The following ZNF479 variants were observed in gnomAD, a reference collection of about 807,000 sequenced individuals.
The protein encoded by ZNF479 is KRAB zinc finger protein KR19.
In ZNF479, 15 loss-of-function variants were observed where a neutral mutation model predicts 14.7. The observed-to-expected ratio is 1.02, with a 90% CI of 0.68 to 1.57. The LOEUF is 1.57. Among genes scored for constraint, ZNF479 ranks in the 40% most tolerant of loss-of-function variants. ZNF479 has a pLI of 0.00. For missense variants in ZNF479, 506 were observed against 615.1 expected (o/e 0.82, Z 1.88); for synonymous variants, 145 against 211.5 (o/e 0.69, Z 2.73).
chr7:57,119,703 T>C lies in ZNF479; in HGVS notation c.*137A>G. 1.2e-6 allele frequency: 1 copy of C among 854,550 alleles called. No individual in the cohort carries two copies. Among genetic ancestry groups the C allele is most frequent in the Non-Finnish European group, 1.8e-6 (1 of 558,688 alleles). The allele number at this position is 854,550 out of a possible 1,614,324, so 52.9% of individuals were successfully genotyped here. A position where few individuals can be genotyped will look rare whatever the true frequency, so the allele number is the denominator to read the frequency against. On this transcript the variant is annotated 3_prime_UTR_variant, in exon 4 of 4. Transcript: ENST00000319636. ...TTTTTTTACATTTATAAAATTTCTGTCCAATATGAATTCTCTTACATTCAA... is the reference window on the plus strand; with the variant it reads ...TTTTTTTACATTTATAAAATTTCTGCCCAATATGAATTCTCTTACATTCAA...
chr7:57,137,707 C>T (rs893840133), intron 1 of ZNF479, among the ~76,000 whole-genome samples: 2 of 152,148 alleles, frequency 1.3e-5, no homozygotes, highest in African/African-American at 4.8e-5. Context: ...CTGGGCCCGG[C>T]CTGCAGTTTA....
intron 3 of ZNF479, among the ~76,000 whole-genome samples, chr7:57,121,785 A>C (rs1785965164): frequency 6.6e-6 from 1 of 152,174 alleles, no homozygotes; most frequent in Non-Finnish European, 1.5e-5. Flanking sequence ...ATGTATATAA[A>C]ACATGAGGAT....
At chr7:57,131,751 T>A (rs1786434680) in intron 1 of ZNF479, among the ~76,000 whole-genome samples, 1 of 152,138 alleles carries the variant, frequency 6.6e-6, no homozygotes, top group Admixed American at 6.5e-5. Flanking sequence ...TGAATCTGGT[T>A]TGCTTCATCA....
In ZNF479 at chr7:57,118,854, AC is replaced by A. The variant is rs1554399461; in HGVS notation, c.*985del. On this transcript the variant is annotated 3_prime_UTR_variant, in exon 4 of 4. Transcript: ENST00000319636. ...TTTGTAGGAGTCTTCTTCAGTATAAACTATCTTACCTACCATAACGTGTGAC... is the reference window on the plus strand; with the variant it reads ...TTTGTAGGAGTCTTCTTCAGTATAAATATCTTACCTACCATAACGTGTGAC... Among the ~76,000 whole-genome samples, 2 of 137,470 alleles carry A rather than the reference AC, an allele frequency of 1.5e-5. No homozygotes were observed. Among genetic ancestry groups the A allele is most frequent in the African/African-American group, 4.9e-5 (2 of 40,702 alleles). The allele number at this position is 137,470 out of a possible 152,430, so 90.2% of individuals were successfully genotyped here. A position where few individuals can be genotyped will look rare whatever the true frequency, so the allele number is the denominator to read the frequency against.
At position 57,126,082 on chromosome 7, in the gene ZNF479, G is replaced by A. The variant is rs1488357097; in HGVS notation, c.198C>T (p.Thr66=). 2 of 1,603,122 alleles carry A rather than the reference G, an allele frequency of 1.2e-6. No individual in the cohort carries two copies. The highest frequency in any genetic ancestry group is 1.7e-6 in the Non-Finnish European group (2 of 1,179,758). Reference sequence around the variant, plus strand: ...GGGACTCTTTATTTTGCTCCAGACAGGTGATCAAGTCTGGCTTAGAGACAG... The same window carrying A: ...GGGACTCTTTATTTTGCTCCAGACAAGTGATCAAGTCTGGCTTAGAGACAG... The part of the protein sequence containing the change: ...GIAVSKPDLI[T]CLEQNKESQN... Residue 66 remains threonine (T), a synonymous_variant, in exon 3 of 4, where the codon ACC becomes ACT. Coordinates refer to ENST00000319636, the MANE Select transcript of ZNF479 (RefSeq NM_001370129.2).
chr7:57,133,383 T>A (rs1786517457), upstream of ZNF479, among the ~76,000 whole-genome samples: 1 of 145,192 alleles, frequency 6.9e-6, no homozygotes, highest in African/African-American at 2.6e-5. Flanking sequence ...TCTGCAGCCA[T>A]GTAGGACTAT....
chr7:57,137,216 A>T (rs923055219), upstream of ZNF479, among the ~76,000 whole-genome samples: 1 of 152,168 alleles, frequency 6.6e-6, no homozygotes, highest in African/African-American at 2.4e-5. Flanking sequence ...TGCTCACTAC[A>T]ACTCTGCCTC....
Position 57,119,677 on chromosome 7 carries a change from A to G in ZNF479, c.*163T>C, listed in dbSNP as rs1186342528. On this transcript the variant is annotated 3_prime_UTR_variant, in exon 4 of 4. Coordinates refer to ENST00000319636, the MANE Select transcript of ZNF479 (RefSeq NM_001370129.2). The stretch of plus-strand genomic sequence containing the variant: ...GAGGGTTGGTTAAAGGCTTTGTTAC[A>G]TTTTTTTACATTTATAAAATTTCTG... 6 of 723,262 alleles carry G rather than the reference A, an allele frequency of 8.3e-6. No homozygotes were observed. The highest frequency in any genetic ancestry group is 1.4e-5 in the Non-Finnish European group (6 of 440,496). 44.8% of individuals were successfully genotyped at this position (723,262 alleles called of 1,614,324 possible). A position where few individuals can be genotyped will look rare whatever the true frequency, so the allele number is the denominator to read the frequency against.
chr7:57,129,531 T>C (rs1395894989), intron 1 of ZNF479, among the ~76,000 whole-genome samples: 2 of 152,064 alleles, frequency 1.3e-5, no homozygotes, highest in African/African-American at 4.8e-5. Context: ...ATATTTTTGT[T>C]GGCTTTTTTA....
At chr7:57,124,445 C>T (rs1291137882) in intron 3 of ZNF479, among the ~76,000 whole-genome samples, 1 of 152,126 alleles carries the variant, frequency 6.6e-6, no homozygotes. Context: ...GGTTTAATTG[C>T]ATCACATACA....
rs548897399 is a variant in ZNF479, at chr7:57,130,507, T to A, written c.39+1779A>T. 2.6e-5 allele frequency among the ~76,000 whole-genome samples: 4 copies of A among 151,752 alleles called. No individual in the cohort carries two copies. The East Asian group carries it at 7.7e-4, about 29-fold the overall frequency. ...AAAATTCAAAGGAACCAGAAGTTAA[T>A]TCTATGTAAACATAATAAGATAGAT... On this transcript the variant is annotated intron_variant, in intron 1 of 3. Coordinates refer to ENST00000319636, the MANE Select transcript of ZNF479 (RefSeq NM_001370129.2).
Position 57,118,838 on chromosome 7 carries a change from G to T in ZNF479, c.*1002C>A, listed in dbSNP as rs533660473. Among the ~76,000 whole-genome samples, 3 of 143,932 alleles carry T rather than the reference G, an allele frequency of 2.1e-5. No homozygotes were observed. The highest frequency in any genetic ancestry group is 1.4e-4 in the Admixed American group (2 of 14,146). 94.4% of individuals were successfully genotyped at this position (143,932 alleles called of 152,430 possible). Reference sequence around the variant, plus strand: ...TGCCACATTCTTCATATTTGTAGGAGTCTTCTTCAGTATAAACTATCTTAC... The same window carrying T: ...TGCCACATTCTTCATATTTGTAGGATTCTTCTTCAGTATAAACTATCTTAC... On this transcript the variant is annotated 3_prime_UTR_variant, in exon 4 of 4. Coordinates refer to ENST00000319636, the MANE Select transcript of ZNF479 (RefSeq NM_001370129.2).
At chr7:57,129,927 T>G (rs1285668418) in intron 1 of ZNF479, among the ~76,000 whole-genome samples, 11 of 152,120 alleles carry the variant, frequency 7.2e-5, no homozygotes. Flanking sequence ...GAAATAAAAT[T>G]TTTGAAACTA....
In ZNF479 at chr7:57,119,869, T is replaced by C; in HGVS notation, c.1546A>G (p.Thr516Ala). ...SSLAKHKIIH[T>A]GEKPYKCE Reference sequence around the variant, plus strand: ...TCACATTTGTAGGGTTTCTCTCCAGTGTGAATTATCTTATGTTTAGCAAGA... The same window carrying C: ...TCACATTTGTAGGGTTTCTCTCCAGCGTGAATTATCTTATGTTTAGCAAGA... The change falls in exon 4 of 4, where the codon ACT becomes GCT. Residue 516 changes from threonine to alanine, a missense_variant. Transcript: ENST00000319636. The C allele has an allele frequency of 6.2e-7, 1 of 1,613,476 alleles. No homozygotes were observed. Among genetic ancestry groups the C allele is most frequent in the Non-Finnish European group, 8.5e-7 (1 of 1,179,648 alleles).
chr7:57,138,860 A>G (rs1404865208), intron 1 of ZNF479, among the ~76,000 whole-genome samples: 2 of 152,218 alleles, frequency 1.3e-5, no homozygotes, highest in East Asian at 1.9e-4. Flanking sequence ...TACAGTCCAC[A>G]GTTGGATCAT....
intron 3 of ZNF479, among the ~76,000 whole-genome samples, chr7:57,124,454 CA>C (rs1335752352): frequency 6.6e-6 from 1 of 152,124 alleles, no homozygotes; most frequent in Middle Eastern, 3.4e-3. Flanking sequence ...GCATCACATA[CA>C]AAAAATATTT....
rs78745029 is a variant in ZNF479 at position 57,121,398 on chromosome 7, G to C, written c.263-246C>G. On this transcript the variant is annotated intron_variant, in intron 3 of 3. Transcript: ENST00000319636. ...AGCATGATGTCCAGAGCCATATAGA[G>C]AGAAAAGAAAAGTCTGCTACATTTA... Among the ~76,000 whole-genome samples the C allele has an allele frequency of 2.2e-3, 340 of 152,246 alleles. 17 individuals are homozygous for C. In the East Asian group the frequency reaches 0.056, roughly 25 times the overall value.
Position 57,126,690 on chromosome 7 carries a change from A to T in ZNF479, c.68T>A (p.Ile23Lys). 6.2e-7 allele frequency: 1 copy of T among 1,614,058 alleles called. No homozygotes were observed. Among genetic ancestry groups the T allele is most frequent in the Non-Finnish European group, 8.5e-7 (1 of 1,179,934 alleles). The change falls in exon 2 of 4, where the codon ATA (isoleucine) becomes AAA (lysine). Residue 23 changes from isoleucine to lysine, a missense_variant. Physicochemically the swap from Ile to Lys is moderately radical, Grantham distance 102 (BLOSUM62 -3). Coordinates refer to ENST00000319636, the MANE Select transcript of ZNF479 (RefSeq NM_001370129.2). ...MGLLTFRDIA[I>K]EFSLEEWQCL... ...TTGCCATTCCTCCAGAGAGAATTCT[A>T]TAGCTATGTCTCTGAATGTCAACAG... is the stretch of plus-strand genomic sequence containing the variant.
upstream of ZNF479, among the ~76,000 whole-genome samples, chr7:57,133,744 C>T (rs1217496145): frequency 6.6e-6 from 1 of 151,900 alleles, no homozygotes; most frequent in East Asian, 1.9e-4. Context: ...CAGGCATCTG[C>T]AATCTCAGCT....
Sources: allele counts gnomAD v4.1 joint callset (sites outside exome capture counted in the v4.1 genomes callset), GRCh38; gene constraint gnomAD v4.1.1; transcripts MANE v1.5; gene names NCBI Gene and HGNC (gene_info 2026-07-23, HGNC 2026-07-21).